UTRN: variants seen among roughly 807,000 people sequenced by gnomAD.
UTRN encodes the protein dystrophin-related protein 1.
Under a neutral mutation model 463.9 loss-of-function variants are expected in UTRN, and 283 were observed. The ratio of observed to expected loss-of-function variants is 0.61; its 90% CI spans 0.55 to 0.67. The LOEUF is 0.67. Ranked by LOEUF, UTRN falls within the 30% of genes least tolerant of loss-of-function variation. The probability of loss-of-function intolerance (pLI) is 0.00; values close to 1 mark genes in which losing one functional copy is unlikely to be tolerated. For missense variants in UTRN, 3,922 were observed against 4,084.3 expected (o/e 0.96, Z 1.08); for synonymous variants, 1,442 against 1,431.5 (o/e 1.01, Z -0.17).
At chr6:144,523,690 CAT>C (rs1221871669) in intron 41 of UTRN, among the ~76,000 whole-genome samples, 4 of 152,122 alleles carry the variant, frequency 2.6e-5, no homozygotes, top group Non-Finnish European at 5.9e-5. Context: ...CCATTTATAA[CAT>C]AATATCTTAA....
chr6:144,703,610 A>C (rs1784803524), intron 53 of UTRN, among the ~76,000 whole-genome samples: 1 of 152,220 alleles, frequency 6.6e-6, no homozygotes, highest in Non-Finnish European at 1.5e-5. Flanking sequence ...CCAGGATGCC[A>C]AAGGAGGAAA....
Position 144,491,066 on chromosome 6 carries a change from C to T in UTRN, c.4401C>T (p.Asp1467=), listed in dbSNP as rs746425251. The part of the protein sequence containing the change: ...ELHVLDVKDV[D]PDVIQTHLDK... ...ACGTTCTGGATGTGAAGGACGTAGA[C>T]CCTGACGTCATACAGACGCACCTGG... The change falls in exon 32 of 75, where the codon GAC becomes GAT. Residue 1467 remains aspartate (D), a synonymous_variant. Transcript: ENST00000367545. The T allele has an allele frequency of 1.2e-6, 2 of 1,612,924 alleles. No individual in the cohort carries two copies. Among genetic ancestry groups the T allele is most frequent in the Non-Finnish European group, 1.7e-6 (2 of 1,179,684 alleles).
chr6:144,319,979 G>A (rs1220114954), intron 2 of UTRN, among the ~76,000 whole-genome samples: 1 of 151,840 alleles, frequency 6.6e-6, no homozygotes, highest in Non-Finnish European at 1.5e-5. Context: ...TCAGTCTCCT[G>A]AATAGTTGGG....
chr6:144,748,523 C>A lies in UTRN; in HGVS notation c.8208+9C>A. 1 of 1,606,266 alleles carries A rather than the reference C, an allele frequency of 6.2e-7. No individual in the cohort carries two copies. Among genetic ancestry groups the A allele is most frequent in the Non-Finnish European group, 8.5e-7 (1 of 1,177,316 alleles). On this transcript the variant is annotated intron_variant, in intron 55 of 74. Transcript: ENST00000367545. ...ACATTGAAAAAATCATGGTCAGCAT[C>A]ATTGTCTTTGAAGGATTTTTAAGAA...
At chr6:144,444,773 C>T (rs1787501418) in intron 14 of UTRN, among the ~76,000 whole-genome samples, 1 of 152,182 alleles carries the variant, frequency 6.6e-6, no homozygotes, top group Non-Finnish European at 1.5e-5. Flanking sequence ...ACACTGTGAA[C>T]TTTAATTCCC....
intron 73 of UTRN, among the ~76,000 whole-genome samples, chr6:144,842,846 G>A (rs1007697728): frequency 1.3e-4 from 20 of 149,374 alleles, no homozygotes; most frequent in Admixed American, 6.0e-4. Flanking sequence ...GCATGCATGT[G>A]CACACCCATA....
chr6:144,539,416 A>G lies in UTRN; in HGVS notation c.6492A>G (p.Leu2164=). The change falls in exon 45 of 75, where the codon TTA becomes TTG. Residue 2164 remains leucine, a synonymous_variant. Coordinates refer to ENST00000367545, the MANE Select transcript of UTRN (RefSeq NM_007124.3). ...AAAGGGATAAAATTTCAGAAAGCTT[A>G]AGGACTGTAAATATGACATGGAATA... ...LPERDKISES[L]RTVNMTWNKI... The G allele has an allele frequency of 1.2e-6, 2 of 1,610,938 alleles. No homozygotes were observed. The highest frequency in any genetic ancestry group is 1.7e-6 in the Non-Finnish European group (2 of 1,178,818).
chr6:144,850,065 G>GTGTT lies in UTRN; in HGVS notation c.10294-921_10294-918dup, dbSNP rs1208389128. Among the ~76,000 whole-genome samples, 4 of 152,154 alleles carry GTGTT rather than the reference G, an allele frequency of 2.6e-5. No homozygotes were observed. In the East Asian group the frequency reaches 7.7e-4, roughly 29 times the overall value. ...TCAGTACAATGCCTGGAACCCATCA[G>GTGTT]TGTTTGCTGAATTTTTGCTCCCTCT... On this transcript the variant is annotated intron_variant, in intron 74 of 74. Coordinates refer to ENST00000367545, the MANE Select transcript of UTRN (RefSeq NM_007124.3).
chr6:144,590,963 C>T (rs1803004156), intron 51 of UTRN, among the ~76,000 whole-genome samples: 2 of 151,954 alleles, frequency 1.3e-5, no homozygotes, highest in Non-Finnish European at 2.9e-5. Context: ...AAGCCTGGCA[C>T]ATATCTGCTA....
chr6:144,673,249 C>T (rs181992891), intron 51 of UTRN, among the ~76,000 whole-genome samples: 376 of 152,170 alleles, frequency 2.5e-3, no homozygotes, highest in Non-Finnish European at 3.9e-3. Context: ...GTCTTGATGA[C>T]CCCTCTAGTG....
At chr6:144,579,768 A>G (rs1335372369) in intron 51 of UTRN, among the ~76,000 whole-genome samples, 1 of 152,212 alleles carries the variant, frequency 6.6e-6, no homozygotes, top group Non-Finnish European at 1.5e-5. Flanking sequence ...GTTGCTAAAA[A>G]TAGTCTCTTT....
At chr6:144,611,188 C>T (rs1422545953) in intron 51 of UTRN, among the ~76,000 whole-genome samples, 3 of 152,164 alleles carry the variant, frequency 2.0e-5, no homozygotes, top group Non-Finnish European at 4.4e-5. Flanking sequence ...TAAAAACTCT[C>T]AACATATTAG....
At chr6:144,624,973 A>G (rs140177594) in intron 51 of UTRN, among the ~76,000 whole-genome samples, 4 of 152,342 alleles carry the variant, frequency 2.6e-5, no homozygotes, top group South Asian at 2.1e-4. Flanking sequence ...AAGAGAGGAC[A>G]AGATGACCAT....
In UTRN at chr6:144,470,833, C is replaced by T. The variant is rs536964679; in HGVS notation, c.3067-2887C>T. 3.0e-3 allele frequency among the ~76,000 whole-genome samples: 463 copies of T among 151,844 alleles called. 2 individuals carry two copies. Among genetic ancestry groups the T allele is most frequent in the African/African-American group, 0.01 (431 of 41,390 alleles). On this transcript the variant is annotated intron_variant, in intron 23 of 74. Transcript: ENST00000367545. ...CTCGGTCAGGAACTGGAGACCAGCC[C>T]GGCCAACACGGCGAAACCCCGTCTC...
chr6:144,502,279 CTTTAAGTT>C (rs1794265585), intron 34 of UTRN, among the ~76,000 whole-genome samples: 1 of 150,518 alleles, frequency 6.6e-6, no homozygotes, highest in African/African-American at 2.4e-5. Flanking sequence ...AATTGTTATA[CTTTAAGTT>C]ATGGGATACA....
intron 51 of UTRN, among the ~76,000 whole-genome samples, chr6:144,609,164 G>A (rs1805202382): frequency 6.6e-6 from 1 of 152,108 alleles, no homozygotes; most frequent in Admixed American, 6.6e-5. Flanking sequence ...ATGGATTAAA[G>A]AAAAAGTAAG....
intron 51 of UTRN, among the ~76,000 whole-genome samples, chr6:144,614,017 A>C (rs542021327): frequency 6.6e-6 from 1 of 152,234 alleles, no homozygotes; most frequent in African/African-American, 2.4e-5. Flanking sequence ...TGTGGGAAAG[A>C]ATGATTCTCT....
chr6:144,772,016 G>GTTTTT lies in UTRN; in HGVS notation c.8557+81_8557+85dup, dbSNP rs748399313. 33 of 127,576 alleles carry GTTTTT rather than the reference G, an allele frequency of 2.6e-4. 3 individuals are homozygous for GTTTTT. The highest frequency in any genetic ancestry group is 4.9e-4 in the South Asian group (5 of 10,180). The allele number at this position is 127,576 out of a possible 1,614,324, so 7.9% of individuals were successfully genotyped here. A position where few individuals can be genotyped will look rare whatever the true frequency, so the allele number is the denominator to read the frequency against. On this transcript the variant is annotated intron_variant, in intron 59 of 74. Transcript: ENST00000367545. ...AATTAACCTAAACAACTGAGAACCG[G>GTTTTT]TTTTTTTTTTTTTTTTTTTTTTTTT...
At chr6:144,661,964 T>A (rs1483715113) in intron 51 of UTRN, among the ~76,000 whole-genome samples, 2 of 152,122 alleles carry the variant, frequency 1.3e-5, no homozygotes, top group African/African-American at 4.8e-5. Flanking sequence ...ACTGGCTTTT[T>A]CCTGTCAAAG....
Sources: gnomAD v4.1 joint callset for allele counts (sites outside exome capture counted in the v4.1 genomes callset) on GRCh38, gnomAD v4.1.1 for gene constraint, MANE v1.5 for transcripts, NCBI Gene and HGNC (gene_info 2026-07-23, HGNC 2026-07-21) for gene names.